The following TGM6 variants were observed in gnomAD, a reference collection of about 807,000 sequenced individuals.
TGM6 encodes protein-glutamine gamma-glutamyltransferase 6.
TGM6 carries 74 observed loss-of-function variants against 77.5 expected under a neutral mutation model. The ratio of observed to expected loss-of-function variants is 0.96; its 90% confidence interval spans 0.79 to 1.16. The LOEUF is 1.16. Among genes scored for constraint, TGM6 ranks in the 50% most tolerant of loss-of-function variants. The pLI, the probability that TGM6 is intolerant of heterozygous loss-of-function variation, is 0.00. For missense variants in TGM6, 968 were observed against 940.2 expected, an observed-to-expected ratio of 1.03 and a Z score of -0.39; for synonymous variants, 383 against 378.9, an observed-to-expected ratio of 1.01 and a Z score of -0.12.
intron 9 of TGM6, among the ~76,000 whole-genome samples, chr20:2,409,186 A>T (rs934219354): frequency 6.6e-6 from 1 of 152,210 alleles, no homozygotes; most frequent in African/African-American, 2.4e-5. Flanking sequence ...AGAATTTGAT[A>T]CATTTATAAT....
intron 1 of TGM6, among the ~76,000 whole-genome samples, chr20:2,387,217 T>C (rs2084602171): frequency 6.6e-6 from 1 of 152,242 alleles, no homozygotes; most frequent in Admixed American, 6.5e-5. Flanking sequence ...CTGCTTGTGT[T>C]TTCTGACTAA....
chr20:2,429,584 C>T (rs2084910069), intron 10 of TGM6, among the ~76,000 whole-genome samples: 2 of 151,840 alleles, frequency 1.3e-5, no homozygotes, highest in Admixed American at 1.3e-4. Flanking sequence ...TCCTGGCGAA[C>T]ATGGTGAAAC....
chr20:2,404,265 A>G (rs1376389177), intron 9 of TGM6, among the ~76,000 whole-genome samples: 1 of 152,234 alleles, frequency 6.6e-6, no homozygotes, highest in African/African-American at 2.4e-5. Flanking sequence ...GTGCCGTGAT[A>G]CCAATTTATG....
At chr20:2,428,674 T>G (rs2084904843) in intron 10 of TGM6, among the ~76,000 whole-genome samples, 1 of 149,962 alleles carries the variant, frequency 6.7e-6, no homozygotes, top group Non-Finnish European at 1.5e-5. Flanking sequence ...TAATAATATA[T>G]TATCAATAAC....
At position 2,430,966 on chromosome 20, in the gene TGM6, G is replaced by C. The variant is rs994144818; in HGVS notation, c.1906G>C (p.Val636Leu). 6.2e-7 allele frequency: 1 copy of C among 1,614,174 alleles called. No individual in the cohort carries two copies. Among genetic ancestry groups the C allele is most frequent in the Non-Finnish European group, 8.5e-7 (1 of 1,180,030 alleles). ...VTVVNPLIER[V>L]KDCALMVEGS... ...AGTAGTCAACCCCCTCATAGAGAGAGTGAAGGACTGTGCGCTGATGGTGGA... is the reference window on the plus strand; with the variant it reads ...AGTAGTCAACCCCCTCATAGAGAGACTGAAGGACTGTGCGCTGATGGTGGA... Residue 636 changes from valine to leucine, a missense_variant, in exon 12 of 13, where the codon GTG (valine) becomes CTG (leucine). By Grantham distance (32) the Val-to-Leu change is conservative. Transcript: ENST00000202625.
intron 10 of TGM6, among the ~76,000 whole-genome samples, chr20:2,422,186 A>G (rs1304014215): frequency 2.0e-5 from 3 of 152,170 alleles, no homozygotes; most frequent in Non-Finnish European, 4.4e-5. Context: ...CTCCCATGTT[A>G]TCTTTAAGAG....
At chr20:2,407,444 C>A (rs2084759779) in intron 9 of TGM6, among the ~76,000 whole-genome samples, 1 of 152,100 alleles carries the variant, frequency 6.6e-6, no homozygotes, top group African/African-American at 2.4e-5. Flanking sequence ...CATGGCGAAA[C>A]CCCATTTCTA....
At chr20:2,414,284 C>T (rs1348876223) in intron 9 of TGM6, among the ~76,000 whole-genome samples, 1 of 152,132 alleles carries the variant, frequency 6.6e-6, no homozygotes, top group Non-Finnish European at 1.5e-5. Flanking sequence ...AAGGACCATA[C>T]ACAAATGGCC....
chr20:2,389,719 C>T (rs1483595251), intron 1 of TGM6, among the ~76,000 whole-genome samples: 1 of 152,070 alleles, frequency 6.6e-6, no homozygotes, highest in Non-Finnish European at 1.5e-5. Context: ...TATGTAAATG[C>T]TTATTGAAAC....
At position 2,417,225 on chromosome 20, in the gene TGM6, C is replaced by A. The variant is rs1239255276; in HGVS notation, c.1337-7C>A. ...GCCTGCCGCTGACGTTGTGTGATGC[C>A]CTGCAGGGTCCCGGAAAGAGAGGCA... On this transcript the variant is annotated splice_region_variant and splice_polypyrimidine_tract_variant and intron_variant, in intron 9 of 12. Transcript: ENST00000202625. 4.4e-6 allele frequency: 7 copies of A among 1,591,066 alleles called. No homozygotes were observed. The highest frequency in any genetic ancestry group is 4.3e-6 in the Non-Finnish European group (5 of 1,168,944).
intron 5 of TGM6, among the ~76,000 whole-genome samples, chr20:2,398,816 G>A (rs564335616): frequency 6.6e-6 from 1 of 151,896 alleles, no homozygotes; most frequent in East Asian, 1.9e-4. Flanking sequence ...CCCAAAAGGT[G>A]TCTGCAGGGC....
At chr20:2,407,899 C>T (rs2084762463) in intron 9 of TGM6, among the ~76,000 whole-genome samples, 1 of 152,170 alleles carries the variant, frequency 6.6e-6, no homozygotes, top group South Asian at 2.1e-4. Flanking sequence ...AGAGAACTCA[C>T]CACATGGTGA....
chr20:2,429,480 A>C (rs28603365), intron 10 of TGM6, among the ~76,000 whole-genome samples: 13,806 of 149,700 alleles, frequency 0.092, 701 homozygotes, highest in Middle Eastern at 0.15. Context: ...AAAAAAAAAA[A>C]CAAATATGGT....
intron 9 of TGM6, among the ~76,000 whole-genome samples, chr20:2,412,543 G>C (rs1384562553): frequency 6.6e-6 from 1 of 152,040 alleles, no homozygotes; most frequent in Non-Finnish European, 1.5e-5. Context: ...AGAAGAGAGG[G>C]AGGAAGACAG....
rs775654680 is a variant in TGM6, at chr20:2,403,711, G to C, written c.1224G>C (p.Glu408Asp). The change falls in exon 9 of 13, where the codon GAG becomes GAC. Residue 408 changes from glutamate (E) to aspartate (D), a missense_variant. Transcript: ENST00000202625. ...TCACCTGGCTGTGGCACGAGGATGA[G>C]AGCCGGGAGCGTGTATACTCAAACA... The part of the protein sequence containing the change: ...DYITWLWHED[E>D]SRERVYSNTK... The C allele has an allele frequency of 1.2e-6, 2 of 1,614,248 alleles. No individual in the cohort carries two copies. Among genetic ancestry groups the C allele is most frequent in the Non-Finnish European group, 1.7e-6 (2 of 1,180,050 alleles).
intron 10 of TGM6, among the ~76,000 whole-genome samples, chr20:2,419,615 C>T (rs1337323062): frequency 2.6e-5 from 4 of 152,196 alleles, no homozygotes; most frequent in African/African-American, 9.7e-5. Context: ...TCCTTAATGC[C>T]TGTTTGCTTT....
chr20:2,397,775 G>A (rs2084678611), intron 4 of TGM6, 143 bp from the exon 5 acceptor site: 2 of 1,296,778 alleles, frequency 1.5e-6, no homozygotes, highest in Admixed American at 1.8e-5. Flanking sequence ...AGACTAGGGG[G>A]TGCTCTGTGA....
At chr20:2,399,365 A>C (rs1809499203) in intron 5 of TGM6, among the ~76,000 whole-genome samples, 196 bp from the exon 6 acceptor site, 1 of 152,212 alleles carries the variant, frequency 6.6e-6, no homozygotes, top group African/African-American at 2.4e-5. Flanking sequence ...TCCAAATGGA[A>C]GATAATTGAA....
intron 9 of TGM6, among the ~76,000 whole-genome samples, chr20:2,409,557 C>A (rs1012223231): frequency 6.6e-6 from 1 of 151,814 alleles, no homozygotes; most frequent in African/African-American, 2.4e-5. Flanking sequence ...ACTAAAAATA[C>A]AAAAATTAAT....
Sources: gnomAD v4.1 joint callset for allele counts (sites outside exome capture counted in the v4.1 genomes callset) on GRCh38, gnomAD v4.1.1 for gene constraint, MANE v1.5 for transcripts, NCBI Gene and HGNC (gene_info 2026-07-23, HGNC 2026-07-21) for gene names.